The following PRELID2 variants were observed in gnomAD, a reference collection of about 807,000 sequenced individuals.
PRELID2 encodes the protein PRELI domain containing 2, also known as PRELI domain-containing protein 2.
PRELID2 carries 25 observed loss-of-function variants against 28.4 expected under a neutral mutation model. The observed-to-expected ratio is 0.88, with a 90% CI of 0.64 to 1.23. The LOEUF (loss-of-function observed/expected upper bound fraction) is 1.23. Among genes scored for constraint, PRELID2 ranks in the 50% most tolerant of loss-of-function variants. PRELID2 has a pLI of 0.00. For missense variants in PRELID2, 201 were observed against 214.4 expected (o/e 0.94, Z 0.39); for synonymous variants, 76 against 71.6 (o/e 1.06, Z -0.31).
chr5:145,512,590 C>T (rs941070047), intron 1 of PRELID2, among the ~76,000 whole-genome samples: 2 of 152,212 alleles, frequency 1.3e-5, no homozygotes, highest in South Asian at 2.1e-4. Flanking sequence ...TGCCTGCCAG[C>T]TCTGAAGAGA....
intron 1 of PRELID2, among the ~76,000 whole-genome samples, chr5:145,665,863 T>G (rs1047018476): frequency 1.3e-5 from 2 of 152,082 alleles, no homozygotes; most frequent in African/African-American, 4.8e-5. Flanking sequence ...CCAGGACTTT[T>G]TGTTCATATG....
At chr5:145,314,298 C>T in the PRELID2 span, among the ~76,000 whole-genome samples, 5 of 152,248 alleles carry the variant, frequency 3.3e-5, no homozygotes, top group East Asian at 7.7e-4. Flanking sequence ...CTATCTTTCA[C>T]TTTATGTGTG....
At chr5:145,470,762 T>C (rs1038271455), downstream of PRELID2, among the ~76,000 whole-genome samples, 6 of 152,148 alleles carry the variant, frequency 3.9e-5, no homozygotes, top group African/African-American at 9.7e-5. Context: ...AATTGCAAGA[T>C]CTGCACAAGT....
At chr5:145,326,246 T>C in the PRELID2 span, among the ~76,000 whole-genome samples, 5 of 152,162 alleles carry the variant, frequency 3.3e-5, no homozygotes, top group Non-Finnish European at 7.3e-5. Context: ...GCTCAAGTGA[T>C]GTTCACACCT....
chr5:145,232,936 C>T, the PRELID2 span, among the ~76,000 whole-genome samples: 2 of 151,200 alleles, frequency 1.3e-5, no homozygotes, highest in Admixed American at 6.6e-5. Flanking sequence ...TACAAGTTTC[C>T]ATTGGTCCAA....
At chr5:145,273,837 A>G in the PRELID2 span, among the ~76,000 whole-genome samples, 1 of 152,156 alleles carries the variant, frequency 6.6e-6, no homozygotes, top group Non-Finnish European at 1.5e-5. Context: ...AACAAGCCCT[A>G]TGATCTGAAG....
chr5:145,522,416 C>CGAGA (rs796348009), intron 1 of PRELID2, among the ~76,000 whole-genome samples: 1 of 149,698 alleles, frequency 6.7e-6, no homozygotes, highest in African/African-American at 2.5e-5. Flanking sequence ...CACACACACA[C>CGAGA]GAGAGAGAGA....
intron 5 of PRELID2, 129 bp from the exon 6 acceptor site, chr5:145,765,129 T>C (rs1225201742): frequency 3.2e-6 from 2 of 616,822 alleles, no homozygotes; most frequent in East Asian, 2.9e-5. Context: ...AGTAGGCTCA[T>C]AGCCATACCT....
the PRELID2 span, among the ~76,000 whole-genome samples, chr5:145,372,338 A>G: frequency 1.3e-5 from 2 of 151,970 alleles, no homozygotes; most frequent in Non-Finnish European, 2.9e-5. Context: ...ATTATTTTGC[A>G]TTTGCTGAGG....
intron 5 of PRELID2, among the ~76,000 whole-genome samples, chr5:145,781,572 A>G (rs1031849514): frequency 2.7e-5 from 4 of 148,980 alleles, no homozygotes; most frequent in Non-Finnish European, 5.9e-5. Flanking sequence ...TTATATATGT[A>G]TGTGTGTGTA....
chr5:145,490,185 C>G (rs1408981460), intron 1 of PRELID2, among the ~76,000 whole-genome samples: 1 of 152,144 alleles, frequency 6.6e-6, no homozygotes, highest in Non-Finnish European at 1.5e-5. Context: ...TTTAAAAGCT[C>G]TTTTACCTGG....
At chr5:145,676,662 T>C (rs1352259779) in intron 1 of PRELID2, among the ~76,000 whole-genome samples, 2 of 152,176 alleles carry the variant, frequency 1.3e-5, no homozygotes, top group African/African-American at 4.8e-5. Context: ...GCTACTATCA[T>C]GACAGAAAGA....
At chr5:145,611,439 C>A (rs1217964028) in intron 1 of PRELID2, among the ~76,000 whole-genome samples, 1 of 152,154 alleles carries the variant, frequency 6.6e-6, no homozygotes, top group African/African-American at 2.4e-5. Context: ...CCTAGGATTA[C>A]AGGAATGAGC....
chr5:145,403,721 T>G, the PRELID2 span, among the ~76,000 whole-genome samples: 1 of 152,182 alleles, frequency 6.6e-6, no homozygotes, highest in Non-Finnish European at 1.5e-5. Flanking sequence ...TATCCCTGAT[T>G]TACAGATTGG....
intron 5 of PRELID2, among the ~76,000 whole-genome samples, chr5:145,775,450 G>C (rs1581177568): frequency 6.6e-6 from 1 of 152,222 alleles, no homozygotes; most frequent in Non-Finnish European, 1.5e-5. Flanking sequence ...TAATTTAGAA[G>C]AGGCAGGGAA....
intron 1 of PRELID2, among the ~76,000 whole-genome samples, chr5:145,546,510 G>A (rs144402792): frequency 6.6e-6 from 1 of 152,280 alleles, no homozygotes; most frequent in Non-Finnish European, 1.5e-5. Flanking sequence ...TCATGAACCT[G>A]AAGTAAAATC....
At chr5:145,287,760 C>G in the PRELID2 span, among the ~76,000 whole-genome samples, 3 of 152,056 alleles carry the variant, frequency 2.0e-5, no homozygotes, top group Admixed American at 2.0e-4. Context: ...AATTCTATAT[C>G]CAGATTCCTC....
chr5:145,740,686 A>C (rs1310375349), intron 1 of PRELID2, among the ~76,000 whole-genome samples: 2 of 28,546 alleles, frequency 7.0e-5, no homozygotes, highest in Non-Finnish European at 1.6e-4. Flanking sequence ...TTTTATATTT[A>C]ATATATTATT....
intron 1 of PRELID2, among the ~76,000 whole-genome samples, chr5:145,638,685 T>G (rs1165482845): frequency 6.6e-6 from 1 of 152,210 alleles, no homozygotes; most frequent in Non-Finnish European, 1.5e-5. Context: ...AGATAGAGTC[T>G]ATGACCAAAA....
Sources: gnomAD v4.1 joint callset for allele counts (sites outside exome capture counted in the v4.1 genomes callset) on GRCh38, gnomAD v4.1.1 for gene constraint, MANE v1.5 for transcripts, NCBI Gene and HGNC (gene_info 2026-07-23, HGNC 2026-07-21) for gene names.